The following EEF2K variants were observed in gnomAD, a reference collection of about 807,000 sequenced individuals.
EEF2K encodes the protein alternative protein EEF2K.
In EEF2K, 70 loss-of-function variants were observed where a neutral mutation model predicts 93.8. That is an observed-to-expected ratio of 0.75 (90% confidence interval 0.62 to 0.91). The LOEUF is 0.91. Among genes scored for constraint, EEF2K ranks in the 40% least tolerant of loss-of-function variants. The probability of loss-of-function intolerance (pLI) is 0.00; values close to 1 mark genes in which losing one functional copy is unlikely to be tolerated. For synonymous variants in EEF2K, 376 were observed against 380.8 expected (o/e 0.99, Z 0.15); for missense variants, 935 against 972.9 (o/e 0.96, Z 0.52).
intron 15 of EEF2K, among the ~76,000 whole-genome samples, chr16:22,273,168 A>G (rs1444003204): frequency 1.3e-5 from 2 of 152,226 alleles, no homozygotes; most frequent in Admixed American, 1.3e-4. Flanking sequence ...CTTCTACGGA[A>G]TAGGGCTGCC....
At chr16:22,223,364 T>C (rs983443899) in intron 1 of EEF2K, among the ~76,000 whole-genome samples, 4 of 149,474 alleles carry the variant, frequency 2.7e-5, no homozygotes, top group Non-Finnish European at 4.4e-5. Context: ...CTGCAACCTC[T>C]GCCTCCCAGG....
At chr16:22,253,404 G>A (rs1279999517) in intron 6 of EEF2K, among the ~76,000 whole-genome samples, 9 of 152,166 alleles carry the variant, frequency 5.9e-5, no homozygotes, top group Non-Finnish European at 1.0e-4. Flanking sequence ...TCCCCACCCT[G>A]GGGGGCTGTG....
intron 2 of EEF2K, among the ~76,000 whole-genome samples, chr16:22,235,354 G>GT (rs35224713): frequency 0.4 from 60,170 of 151,878 alleles, 13,523 homozygotes; most frequent in East Asian, 0.87. Flanking sequence ...TCAGTAACCA[G>GT]TTTTTTTCGG....
intron 11 of EEF2K, among the ~76,000 whole-genome samples, chr16:22,262,001 C>CCAAA (rs536921866): frequency 0.052 from 7,178 of 138,074 alleles, 598 homozygotes; most frequent in African/African-American, 0.18. Context: ...TGAGACCCTG[C>CCAAA]CACACACACA....
chr16:22,222,353 G>A (rs569699781), intron 1 of EEF2K, among the ~76,000 whole-genome samples: 7 of 151,630 alleles, frequency 4.6e-5, no homozygotes, highest in Non-Finnish European at 7.4e-5. Flanking sequence ...CTACAGGCAC[G>A]CACCATCACA....
chr16:22,223,776 A>G (rs1393655150), intron 1 of EEF2K, among the ~76,000 whole-genome samples: 3 of 152,160 alleles, frequency 2.0e-5, no homozygotes, highest in Non-Finnish European at 4.4e-5. Flanking sequence ...GTTTGTGGGT[A>G]TGGGACCGTC....
Position 22,264,887 on chromosome 16 carries a change from C to T in EEF2K, c.1440+7C>T, listed in dbSNP as rs372279134. On this transcript the variant is annotated splice_region_variant and intron_variant, in intron 13 of 17. Transcript: ENST00000263026. ...CCTGGGCAGCTCTGGACGGGTAATG[C>T]GCCCTGAGGCACCCTTGTCTCTGCC... 49 of 1,613,730 alleles carry T rather than the reference C, an allele frequency of 3.0e-5. No homozygotes were observed. Among genetic ancestry groups the T allele is most frequent in the Middle Eastern group, 1.6e-4 (1 of 6,076 alleles).
intron 16 of EEF2K, among the ~76,000 whole-genome samples, chr16:22,274,900 G>A (rs1030213790): frequency 3.9e-5 from 6 of 152,162 alleles, no homozygotes; most frequent in Non-Finnish European, 1.5e-5. Flanking sequence ...CACCACGCCT[G>A]ACTAGGGCAG....
chr16:22,282,388 A>G (rs943542359), intron 17 of EEF2K, among the ~76,000 whole-genome samples: 4 of 152,160 alleles, frequency 2.6e-5, no homozygotes, highest in African/African-American at 4.8e-5. Flanking sequence ...CTAAACGGGA[A>G]TGAGCTCTGT....
rs1416919127 is a variant in EEF2K at position 22,224,944 on chromosome 16, ACT to A, written c.-76-707_-76-706del. ...CTCCAGCCTGGGTGACAAGAGTGAA[ACT>A]CTGTCTCAGAAGAAAAAAAAAAAAG... On this transcript the variant is annotated intron_variant, in intron 1 of 17. Transcript: ENST00000263026. Among the ~76,000 whole-genome samples, 5 of 151,904 alleles carry A rather than the reference ACT, an allele frequency of 3.3e-5. No individual in the cohort carries two copies. The East Asian group carries it at 9.7e-4, about 29-fold the overall frequency.
intron 1 of EEF2K, among the ~76,000 whole-genome samples, chr16:22,223,425 T>C (rs1424385300): frequency 6.6e-6 from 1 of 152,152 alleles, no homozygotes; most frequent in Non-Finnish European, 1.5e-5. Flanking sequence ...ATTATAGGCA[T>C]GCACCACCAC....
rs1471222117 is a variant in EEF2K, at chr16:22,280,238, G to A, written c.1930G>A (p.Ala644Thr). The change falls in exon 17 of 18, where the codon GCC (alanine) becomes ACC (threonine). Residue 644 changes from alanine (A) to threonine (T), a missense_variant. Ala to Thr is a moderately conservative substitution (Grantham distance 58, BLOSUM62 0). Transcript: ENST00000263026. Reference protein sequence around the residue: ...WLEALHWYNTALEMTDCDEGG... With the variant: ...WLEALHWYNTTLEMTDCDEGG... ...AGAGGCCCTGCACTGGTACAACACT[G>A]CCCTGGAGATGACGGACTGTGATGA... 4 of 1,597,826 alleles carry A rather than the reference G, an allele frequency of 2.5e-6. No individual in the cohort carries two copies. Among genetic ancestry groups the A allele is most frequent in the Middle Eastern group, 1.7e-4 (1 of 6,040 alleles).
At chr16:22,265,741 C>T (rs1262611331) in intron 13 of EEF2K, among the ~76,000 whole-genome samples, 1 of 152,246 alleles carries the variant, frequency 6.6e-6, no homozygotes, top group Non-Finnish European at 1.5e-5. Flanking sequence ...TGGCTGTATC[C>T]TGCAAGAGCC....
rs999222700 is a variant in EEF2K at position 22,286,109 on chromosome 16, C to A, written c.*2113C>A. On this transcript the variant is annotated 3_prime_UTR_variant, in exon 18 of 18. Transcript: ENST00000263026. ...AGGTAAAATTACCCTTGAAAAAAAT[C>A]CCTTGGACCACCCATAAATGACAGT... 8 of 152,278 alleles carry A rather than the reference C, an allele frequency of 5.3e-5. No individual in the cohort carries two copies. The highest frequency in any genetic ancestry group is 1.9e-4 in the African/African-American group (8 of 41,562). The allele number at this position is 152,278 out of a possible 1,614,324, so 9.4% of individuals were successfully genotyped here.
chr16:22,244,504 G>C, intron 2 of EEF2K, 126 bp from the exon 3 acceptor site: 1 of 820,818 alleles, frequency 1.2e-6, no homozygotes, highest in Non-Finnish European at 2.0e-6. Flanking sequence ...TACTAGACAG[G>C]AGTCTCTCTC....
chr16:22,226,383 A>G (rs1409363326), intron 2 of EEF2K, among the ~76,000 whole-genome samples: 1 of 145,840 alleles, frequency 6.9e-6, no homozygotes, highest in South Asian at 2.1e-4. Context: ...TAAAACAGCA[A>G]CTATTGGGGA....
At chr16:22,219,264 CA>C (rs932615848) in intron 1 of EEF2K, among the ~76,000 whole-genome samples, 1 of 152,170 alleles carries the variant, frequency 6.6e-6, no homozygotes, top group Admixed American at 6.6e-5. Flanking sequence ...GAGTATCTGC[CA>C]AGTTAGGACT....
chr16:22,254,070 G>T (rs534955195), intron 6 of EEF2K, among the ~76,000 whole-genome samples: 11 of 152,222 alleles, frequency 7.2e-5, no homozygotes, highest in Admixed American at 3.9e-4. Flanking sequence ...CTGCACTCCG[G>T]CCTGGGTGAC....
intron 9 of EEF2K, 101 bp from the exon 10 acceptor site, chr16:22,258,393 T>C (rs1269299242): frequency 4.6e-5 from 56 of 1,219,182 alleles, no homozygotes; most frequent in Non-Finnish European, 5.8e-5. Context: ...GTTTAGGAGC[T>C]GTGGATGAAG....
Sources: gnomAD v4.1 joint callset for allele counts (sites outside exome capture counted in the v4.1 genomes callset) on GRCh38, gnomAD v4.1.1 for gene constraint, MANE v1.5 for transcripts, NCBI Gene and HGNC (gene_info 2026-07-23, HGNC 2026-07-21) for gene names.